The following DLC1 variants were observed in gnomAD, a reference collection of about 807,000 sequenced individuals.
DLC1 encodes the protein rho GTPase-activating protein 7.
A neutral mutation model predicts 140.3 loss-of-function variants in DLC1; 54 were observed. The ratio of observed to expected loss-of-function variants is 0.38; its 90% confidence interval spans 0.31 to 0.48. The LOEUF (loss-of-function observed/expected upper bound fraction) is 0.48. DLC1 is among the 20% of genes least tolerant of loss of function. The pLI is 0.96. For synonymous variants in DLC1, 986 were observed against 728.1 expected (o/e 1.35, Z -5.70); for missense variants, 2,536 against 1,907.0 (o/e 1.33, Z -6.14).
chr8:13,105,223 C>T (rs920606807), intron 7 of DLC1, among the ~76,000 whole-genome samples: 2 of 152,106 alleles, frequency 1.3e-5, no homozygotes, highest in Non-Finnish European at 2.9e-5. Context: ...TTGGTAGCAC[C>T]CAGCTAATGG....
intron 5 of DLC1, among the ~76,000 whole-genome samples, chr8:13,143,813 T>TGAGAGAGAGAGAGATAGAGAGAGA (rs1823203084): frequency 7.8e-6 from 1 of 128,642 alleles, no homozygotes; most frequent in Non-Finnish European, 1.6e-5. Flanking sequence ...AATGAAAAGC[T>TGAGAGAGAGAGAGATAGAGAGAGA]GAGAGAGAGA....
intron 5 of DLC1, among the ~76,000 whole-genome samples, chr8:13,121,918 G>A (rs971123764): frequency 6.6e-6 from 1 of 152,120 alleles, no homozygotes; most frequent in African/African-American, 2.4e-5. Flanking sequence ...AGTCTAGGTA[G>A]GGCCTGGACA....
chr8:13,418,090 G>A (rs1332104859), intron 2 of DLC1, among the ~76,000 whole-genome samples: 2 of 152,236 alleles, frequency 1.3e-5, no homozygotes, highest in East Asian at 3.9e-4. Context: ...ATTTGTTTGA[G>A]TTCATTGTAG....
At chr8:13,475,011 C>T (rs1221397973) in intron 2 of DLC1, among the ~76,000 whole-genome samples, 3 of 151,998 alleles carry the variant, frequency 2.0e-5, no homozygotes, top group Non-Finnish European at 4.4e-5. Flanking sequence ...AAGAGTTTCG[C>T]CATATTGCCC....
intron 4 of DLC1, among the ~76,000 whole-genome samples, chr8:13,393,133 T>C (rs574448868): frequency 2.0e-5 from 3 of 152,170 alleles, no homozygotes; most frequent in African/African-American, 7.2e-5. Flanking sequence ...TCAGTCTATC[T>C]GTCCATCCAT....
chr8:13,479,863 A>AGAAGAGAAAAAG (rs1563383641), intron 2 of DLC1, among the ~76,000 whole-genome samples: 79 of 56,332 alleles, frequency 1.4e-3, no homozygotes, highest in Non-Finnish European at 2.4e-3. Context: ...GAAGAAGAGA[A>AGAAGAGAAAAAG]AAAGAAAGAA....
At chr8:13,458,629 T>G (rs1014821280) in intron 2 of DLC1, among the ~76,000 whole-genome samples, 3 of 152,306 alleles carry the variant, frequency 2.0e-5, no homozygotes, top group African/African-American at 4.8e-5. Context: ...CTACTACAAT[T>G]ATGAAATCAC....
intron 4 of DLC1, among the ~76,000 whole-genome samples, chr8:13,383,193 C>T (rs558262492): frequency 2.1e-4 from 32 of 152,266 alleles, no homozygotes; most frequent in African/African-American, 7.7e-4. Context: ...CCCCAGGAAG[C>T]GGTATGAATG....
chr8:13,158,491 G>A (rs1824421565), intron 5 of DLC1, among the ~76,000 whole-genome samples: 1 of 152,148 alleles, frequency 6.6e-6, no homozygotes, highest in Non-Finnish European at 1.5e-5. Context: ...AGACAAGGCT[G>A]GCGAGAGGTT....
At chr8:13,396,522 A>G (rs866547150) in intron 3 of DLC1, among the ~76,000 whole-genome samples, 2 of 152,126 alleles carry the variant, frequency 1.3e-5, no homozygotes, top group Non-Finnish European at 1.5e-5. Flanking sequence ...TATCTGCTTC[A>G]ATGTTCATCA....
intron 2 of DLC1, among the ~76,000 whole-genome samples, chr8:13,455,695 C>T (rs1391731424): frequency 6.6e-6 from 1 of 152,144 alleles, no homozygotes; most frequent in Non-Finnish European, 1.5e-5. Flanking sequence ...TAATAGTTGT[C>T]ATTTCAGTCA....
intron 2 of DLC1, among the ~76,000 whole-genome samples, chr8:13,459,725 G>C (rs538968227): frequency 6.6e-6 from 1 of 151,920 alleles, no homozygotes; most frequent in Non-Finnish European, 1.5e-5. Context: ...TTTCCCATCC[G>C]GTCTAAATAG....
intron 4 of DLC1, among the ~76,000 whole-genome samples, chr8:13,355,187 C>T (rs1490875010): frequency 9.6e-5 from 4 of 41,866 alleles, no homozygotes; most frequent in Admixed American, 2.8e-4. Flanking sequence ...TAAACTAAAA[C>T]TTATTATCTG....
At chr8:13,598,768 C>T (rs1805766463) in intron 1 of DLC1, among the ~76,000 whole-genome samples, 1 of 151,902 alleles carries the variant, frequency 6.6e-6, no homozygotes, top group Admixed American at 6.6e-5. Context: ...TGTGACAAAG[C>T]AACTCCAAGT....
At chr8:13,383,873 C>A (rs1434542644) in intron 4 of DLC1, among the ~76,000 whole-genome samples, 1 of 152,192 alleles carries the variant, frequency 6.6e-6, no homozygotes, top group Admixed American at 6.5e-5. Flanking sequence ...TAGAGAACTG[C>A]ATTCCAGCAG....
At chr8:13,395,857 T>C (rs1837017495) in intron 3 of DLC1, among the ~76,000 whole-genome samples, 1 of 149,104 alleles carries the variant, frequency 6.7e-6, no homozygotes, top group Non-Finnish European at 1.5e-5. Flanking sequence ...TTCTTCTTTG[T>C]TTTTTTGCAT....
chr8:13,318,260 C>T (rs1278137057), intron 4 of DLC1, among the ~76,000 whole-genome samples: 1 of 151,126 alleles, frequency 6.6e-6, no homozygotes, highest in East Asian at 1.9e-4. Context: ...TCTGAAACTG[C>T]TGGCCTCAAG....
At chr8:13,289,388 C>T (rs1416900778) in intron 5 of DLC1, among the ~76,000 whole-genome samples, 1 of 152,046 alleles carries the variant, frequency 6.6e-6, no homozygotes, top group Non-Finnish European at 1.5e-5. Context: ...GTTGGAGTCT[C>T]TCTATTTTGC....
chr8:13,445,645 A>G (rs1798743047), intron 2 of DLC1, among the ~76,000 whole-genome samples: 1 of 152,204 alleles, frequency 6.6e-6, no homozygotes, highest in Non-Finnish European at 1.5e-5. Flanking sequence ...CAGACCAGTG[A>G]CTATAGACTT....
Sources: allele counts gnomAD v4.1 joint callset (sites outside exome capture counted in the v4.1 genomes callset), GRCh38; gene constraint gnomAD v4.1.1; transcripts MANE v1.5; gene names NCBI Gene and HGNC (gene_info 2026-07-23, HGNC 2026-07-21).